The following C3orf20 variants were observed in gnomAD, a reference collection of about 807,000 sequenced individuals.
C3orf20 encodes family with sequence similarity 149 member C, also known as uncharacterized protein C3orf20.
In C3orf20, 76 loss-of-function variants were observed where a neutral mutation model predicts 88.3. That is an observed-to-expected ratio of 0.86 (90% CI 0.72 to 1.04). The LOEUF (loss-of-function observed/expected upper bound fraction) is 1.04, where lower values mean the gene tolerates loss of function less well. C3orf20 is among the 50% of genes least tolerant of loss of function. The pLI is 0.00. For synonymous variants in C3orf20, 436 were observed against 437.4 expected (o/e 1.00, Z 0.04); for missense variants, 1,056 against 1,123.3 (o/e 0.94, Z 0.86).
chr3:14,723,832 ATTTTATTTTATT>A (rs1416277122), intron 10 of C3orf20, among the ~76,000 whole-genome samples: 28 of 77,882 alleles, frequency 3.6e-4, no homozygotes, highest in African/African-American at 1.4e-3. Context: ...ATTTTATTTT[ATTTTATTTTATT>A]GAGACCAAGC....
chr3:14,718,593 C>T (rs1309672730), intron 9 of C3orf20, among the ~76,000 whole-genome samples: 1 of 152,172 alleles, frequency 6.6e-6, no homozygotes, highest in Non-Finnish European at 1.5e-5. Flanking sequence ...TTCACTGGTT[C>T]TTCACATATT....
At chr3:14,708,741 T>C (rs1218886003) in intron 7 of C3orf20, among the ~76,000 whole-genome samples, 1 of 152,074 alleles carries the variant, frequency 6.6e-6, no homozygotes, top group African/African-American at 2.4e-5. Flanking sequence ...CCTCCTGGGT[T>C]CAAGCAATTC....
intron 9 of C3orf20, among the ~76,000 whole-genome samples, chr3:14,718,075 G>C (rs1419089021): frequency 6.6e-6 from 1 of 151,852 alleles, no homozygotes; most frequent in Non-Finnish European, 1.5e-5. Flanking sequence ...ATTTAAATTT[G>C]TTTCACCAAA....
At chr3:14,707,711 G>T (rs527633061) in intron 7 of C3orf20, among the ~76,000 whole-genome samples, 1 of 151,390 alleles carries the variant, frequency 6.6e-6, no homozygotes, top group Non-Finnish European at 1.5e-5. Context: ...TTTAAATTTT[G>T]ATGAAGTCCA....
chr3:14,728,213 A>G (rs557444846), intron 11 of C3orf20, among the ~76,000 whole-genome samples: 1 of 152,314 alleles, frequency 6.6e-6, no homozygotes, highest in Admixed American at 6.5e-5. Context: ...GTACGAAAGG[A>G]GACCTATTCA....
chr3:14,764,507 A>G (rs2116697), intron 15 of C3orf20, among the ~76,000 whole-genome samples: 3,692 of 132,754 alleles, frequency 0.028, 110 homozygotes, highest in African/African-American at 0.083. Flanking sequence ...TATTATTATT[A>G]TTGTTGTTGT....
At chr3:14,747,308 A>G (rs139999385) in intron 12 of C3orf20, among the ~76,000 whole-genome samples, 96 of 152,340 alleles carry the variant, frequency 6.3e-4, no homozygotes, top group Middle Eastern at 3.4e-3. Flanking sequence ...TACAGCATGA[A>G]GTTGGCAATA....
At chr3:14,721,567 G>T in intron 9 of C3orf20, 86 bp from the exon 10 acceptor site, 1 of 1,543,202 alleles carries the variant, frequency 6.5e-7, no homozygotes, top group South Asian at 1.2e-5. Context: ...AAGCCAACAG[G>T]GGCTTTGTGC....
intron 15 of C3orf20, among the ~76,000 whole-genome samples, chr3:14,764,479 G>A (rs1377002127): frequency 3.2e-5 from 4 of 124,786 alleles, no homozygotes; most frequent in Non-Finnish European, 5.5e-5. Context: ...CAACACAATC[G>A]TTTATTATTA....
chr3:14,732,656 TCGTGAGTTGAGGA>T (rs1265784600), intron 12 of C3orf20, among the ~76,000 whole-genome samples: 1 of 152,210 alleles, frequency 6.6e-6, no homozygotes, highest in Non-Finnish European at 1.5e-5. Flanking sequence ...TACTGCCATC[TCGTGAGTTGAGGA>T]CAGAGATGCT....
intron 10 of C3orf20, among the ~76,000 whole-genome samples, chr3:14,723,209 T>C (rs1575126590): frequency 6.6e-6 from 1 of 152,310 alleles, no homozygotes; most frequent in South Asian, 2.1e-4. Flanking sequence ...TTTGCCACTG[T>C]ATGCCACAAG....
chr3:14,748,369 G>T (rs2035119886), intron 12 of C3orf20, among the ~76,000 whole-genome samples: 1 of 151,908 alleles, frequency 6.6e-6, no homozygotes, highest in Non-Finnish European at 1.5e-5. Flanking sequence ...AGTCAGTCTA[G>T]CTAAATATTT....
At chr3:14,693,955 G>A (rs965459884) in intron 5 of C3orf20, among the ~76,000 whole-genome samples, 12 of 152,088 alleles carry the variant, frequency 7.9e-5, no homozygotes, top group African/African-American at 2.9e-4. Context: ...TGGCCATAGG[G>A]TTTTTGTACT....
intron 13 of C3orf20, among the ~76,000 whole-genome samples, chr3:14,759,625 G>T (rs1457309383): frequency 6.6e-6 from 1 of 152,134 alleles, no homozygotes; most frequent in Non-Finnish European, 1.5e-5. Context: ...AGAGAGCCAG[G>T]CTAGTGGGAG....
intron 15 of C3orf20, among the ~76,000 whole-genome samples, chr3:14,762,477 G>A (rs984914914): frequency 1.3e-5 from 2 of 152,218 alleles, no homozygotes; most frequent in African/African-American, 4.8e-5. Context: ...GAGAATGCCT[G>A]GGCAGCACGG....
At chr3:14,742,040 G>T (rs917689295) in intron 12 of C3orf20, among the ~76,000 whole-genome samples, 2 of 152,152 alleles carry the variant, frequency 1.3e-5, no homozygotes, top group Non-Finnish European at 2.9e-5. Flanking sequence ...TCCTCAGTTT[G>T]GTCTGGTGTC....
intron 10 of C3orf20, among the ~76,000 whole-genome samples, chr3:14,723,946 A>T (rs1277343802): frequency 6.6e-6 from 1 of 151,342 alleles, no homozygotes; most frequent in Non-Finnish European, 1.5e-5. Flanking sequence ...ATGCCTTCAG[A>T]CTCTCGAGGA....
At position 14,772,087 on chromosome 3, in the gene C3orf20, G is replaced by C; in HGVS notation, c.2516G>C (p.Ser839Thr). 6.2e-7 allele frequency: 1 copy of C among 1,614,212 alleles called. No individual in the cohort carries two copies. Among genetic ancestry groups the C allele is most frequent in the Non-Finnish European group, 8.5e-7 (1 of 1,180,040 alleles). ...YKFSVPNSVL[S>T]LEDSESVKKA... ...TGCAGTGTTCCCAACTCTGTCCTGAGCCTGGAGGATTCTGAATCAGTCAAG... is the reference window on the plus strand; with the variant it reads ...TGCAGTGTTCCCAACTCTGTCCTGACCCTGGAGGATTCTGAATCAGTCAAG... Residue 839 changes from serine (S) to threonine (T), a missense_variant, in exon 16 of 17, where the codon AGC (serine) becomes ACC (threonine). Physicochemically the swap from Ser to Thr is moderately conservative, Grantham distance 58. Transcript: ENST00000253697. This position sits in a 1 kb window ranked among gnomAD's most constrained non-coding sequence, Gnocchi z 4.2.
intron 13 of C3orf20, 112 bp downstream of exon 13, chr3:14,757,786 C>T: frequency 1.0e-6 from 1 of 972,524 alleles, no homozygotes; most frequent in South Asian, 1.7e-5. Context: ...TGAGGGGCCA[C>T]CCTCCTTCAG....
Sources: gnomAD v4.1 joint callset for allele counts (sites outside exome capture counted in the v4.1 genomes callset) on GRCh38, gnomAD v4.1.1 for gene constraint, Gnocchi (gnomAD v3.1) non-coding constraint, MANE v1.5 for transcripts, NCBI Gene and HGNC (gene_info 2026-07-23, HGNC 2026-07-21) for gene names.